The following PTK7 variants were observed in gnomAD, a reference collection of about 807,000 sequenced individuals.
PTK7 encodes protein tyrosine kinase 7 (inactive).
PTK7 carries 39 observed loss-of-function variants against 116.6 expected under a neutral mutation model. The observed-to-expected ratio is 0.33, with a 90% CI of 0.26 to 0.44. The LOEUF is 0.44. Among genes scored for constraint, PTK7 ranks in the 20% least tolerant of loss-of-function variants. The pLI is 1.00. For synonymous variants in PTK7, 546 were observed against 563.6 expected (o/e 0.97, Z 0.44); for missense variants, 1,169 against 1,425.6 (o/e 0.82, Z 2.90).
intron 1 of PTK7, among the ~76,000 whole-genome samples, chr6:43,102,606 A>G (rs544376817): frequency 1.3e-5 from 2 of 152,112 alleles, no homozygotes; most frequent in East Asian, 3.9e-4. Context: ...CCACCAAAAA[A>G]AAACCAAAAA....
chr6:43,101,207 C>T (rs1767556151), intron 1 of PTK7, among the ~76,000 whole-genome samples: 1 of 130,984 alleles, frequency 7.6e-6, no homozygotes, highest in Non-Finnish European at 1.6e-5. Context: ...AAGAGCGAAG[C>T]TCTGTCTCAA....
chr6:43,080,008 C>CCATGATTG (rs1445627392), intron 1 of PTK7, among the ~76,000 whole-genome samples: 1 of 148,144 alleles, frequency 6.8e-6, no homozygotes, highest in East Asian at 2.0e-4. Flanking sequence ...CTACAGTAAG[C>CCATGATTG]CATGATTGTG....
In PTK7 at chr6:43,122,804, A is replaced by C. The variant is rs1425090964; in HGVS notation, c.80-6173A>C. Among the ~76,000 whole-genome samples the C allele has an allele frequency of 2.6e-5, 4 of 151,996 alleles. No homozygotes were observed. In the East Asian group the frequency reaches 7.7e-4, roughly 29 times the overall value. On this transcript the variant is annotated intron_variant, in intron 1 of 19. Transcript: ENST00000230419. ...GTATTTTTAGTAGATATGGGGTTTC[A>C]TCATGTTGGCCAGGCTGGTCTCGAA... is the stretch of plus-strand genomic sequence containing the variant.
intron 1 of PTK7, among the ~76,000 whole-genome samples, chr6:43,097,809 C>T (rs1454149145): frequency 6.6e-6 from 1 of 152,202 alleles, no homozygotes; most frequent in Non-Finnish European, 1.5e-5. Context: ...TCTCTGTTCA[C>T]CACCAGTTAG....
chr6:43,118,657 CTCTATA>C (rs1456817601), intron 1 of PTK7, among the ~76,000 whole-genome samples: 1,032 of 60,896 alleles, frequency 0.017, 1 homozygote, highest in Non-Finnish European at 0.019. Flanking sequence ...CTCTCTCTCT[CTCTATA>C]TATATATATA....
chr6:43,135,450 A>C (rs1027790949), intron 7 of PTK7, among the ~76,000 whole-genome samples: 1 of 152,230 alleles, frequency 6.6e-6, no homozygotes, highest in Non-Finnish European at 1.5e-5. Flanking sequence ...CAAATGAACA[A>C]ATATAATTTT....
intron 1 of PTK7, among the ~76,000 whole-genome samples, chr6:43,116,522 T>C (rs971087806): frequency 1.3e-5 from 2 of 152,104 alleles, no homozygotes; most frequent in African/African-American, 4.8e-5. Flanking sequence ...CTTTCTCTTA[T>C]CCCTTTGAAA....
At chr6:43,081,208 C>G (rs1766358043) in intron 1 of PTK7, among the ~76,000 whole-genome samples, 1 of 152,204 alleles carries the variant, frequency 6.6e-6, no homozygotes, top group African/African-American at 2.4e-5. Context: ...ACCGCCTCTT[C>G]TTCCCTGAAG....
intron 1 of PTK7, among the ~76,000 whole-genome samples, chr6:43,085,667 C>A (rs1215856473): frequency 6.6e-6 from 1 of 151,906 alleles, no homozygotes; most frequent in Admixed American, 6.6e-5. Flanking sequence ...GGTGCGGTGG[C>A]TCACGCCTGT....
chr6:43,124,781 C>T (rs983732008), intron 1 of PTK7, among the ~76,000 whole-genome samples: 9 of 152,214 alleles, frequency 5.9e-5, no homozygotes, highest in African/African-American at 1.4e-4. Context: ...ACATGGGTGC[C>T]GCAGCACTGG....
At chr6:43,087,100 T>C (rs1766703171) in intron 1 of PTK7, among the ~76,000 whole-genome samples, 1 of 152,224 alleles carries the variant, frequency 6.6e-6, no homozygotes. Flanking sequence ...TCTTCACTAC[T>C]GTTCTGCCTC....
At chr6:43,135,613 T>C (rs1241171547) in intron 7 of PTK7, among the ~76,000 whole-genome samples, 1 of 152,108 alleles carries the variant, frequency 6.6e-6, no homozygotes, top group East Asian at 1.9e-4. Flanking sequence ...GGCCCTGAGA[T>C]GGAAATGGGC....
Position 43,143,720 on chromosome 6 carries a change from G to A in PTK7, c.2251+100G>A. The A allele has an allele frequency of 7.7e-7, 1 of 1,302,744 alleles. No homozygotes were observed. Among genetic ancestry groups the A allele is most frequent in the Non-Finnish European group, 1.0e-6 (1 of 959,156 alleles). The allele number at this position is 1,302,744 out of a possible 1,614,324, so 80.7% of individuals were successfully genotyped here. The stretch of plus-strand genomic sequence containing the variant: ...GCGCCAGCACTCTGGAAACCGAGCG[G>A]CTGTTGCTGGGTCCTGGAGCTGGGA... On this transcript the variant is annotated intron_variant, in intron 14 of 19. Coordinates refer to ENST00000230419, the MANE Select transcript of PTK7 (RefSeq NM_002821.5). The surrounding 1 kb of genome is among the most constrained non-coding windows in gnomAD (Gnocchi z 4.2).
In PTK7 at chr6:43,138,835, TC is replaced by T. The variant is rs781753491; in HGVS notation, c.1229-12del. ...TGTGAAGCAGCCTTCACTGTTTCCT[TC>T]CTGTCTGTCTAGCTGTGCCCTCCTG... is the stretch of plus-strand genomic sequence containing the variant. On this transcript the variant is annotated splice_polypyrimidine_tract_variant and intron_variant, in intron 7 of 19. Coordinates refer to ENST00000230419, the MANE Select transcript of PTK7 (RefSeq NM_002821.5). The T allele has an allele frequency of 2.5e-6, 4 of 1,597,958 alleles. No individual in the cohort carries two copies. The highest frequency in any genetic ancestry group is 1.7e-4 in the Middle Eastern group (1 of 5,962).
In PTK7 at chr6:43,143,868, C is replaced by A. The variant is rs533511883; in HGVS notation, c.2251+248C>A. ...AGCTTCCTATGATTCCCTGCTGTTTCCTCCTCCCAGCACAAAACCACAGAT... is the reference window on the plus strand; with the variant it reads ...AGCTTCCTATGATTCCCTGCTGTTTACTCCTCCCAGCACAAAACCACAGAT... On this transcript the variant is annotated intron_variant, in intron 14 of 19. Coordinates refer to ENST00000230419, the MANE Select transcript of PTK7 (RefSeq NM_002821.5). The surrounding 1 kb of genome is among the most constrained non-coding windows in gnomAD (Gnocchi z 4.2). 3.3e-5 allele frequency among the ~76,000 whole-genome samples: 5 copies of A among 152,330 alleles called. No homozygotes were observed. Among genetic ancestry groups the A allele is most frequent in the Admixed American group, 3.3e-4 (5 of 15,298 alleles).
Position 43,160,909 on chromosome 6 carries a change from G to C in PTK7, c.*28G>C. ...AGGGAGCCCGCTCAGGATGGCCTGG[G>C]CAGGGGAGGACATCTCTAGAGGGAA... is the stretch of plus-strand genomic sequence containing the variant. On this transcript the variant is annotated 3_prime_UTR_variant, in exon 20 of 20. Coordinates refer to ENST00000230419, the MANE Select transcript of PTK7 (RefSeq NM_002821.5). 6.2e-7 allele frequency: 1 copy of C among 1,610,216 alleles called. No homozygotes were observed. The highest frequency in any genetic ancestry group is 8.5e-7 in the Non-Finnish European group (1 of 1,178,684).
chr6:43,086,103 G>A (rs1202928009), intron 1 of PTK7, among the ~76,000 whole-genome samples: 4 of 152,190 alleles, frequency 2.6e-5, no homozygotes, highest in Non-Finnish European at 5.9e-5. Context: ...CTCCCAAGGG[G>A]TGGGTTGGTG....
chr6:43,157,204 A>G (rs1161145812), intron 17 of PTK7, among the ~76,000 whole-genome samples: 1 of 146,848 alleles, frequency 6.8e-6, no homozygotes, highest in Non-Finnish European at 1.5e-5. Flanking sequence ...AATGTAAGCC[A>G]GAAGTTTTCT....
At chr6:43,121,037 CG>C (rs1327894361) in intron 1 of PTK7, among the ~76,000 whole-genome samples, 1 of 149,662 alleles carries the variant, frequency 6.7e-6, no homozygotes, top group Non-Finnish European at 1.5e-5. Context: ...GAGCACCTTA[CG>C]TCATGTGCCA....
Sources: allele counts gnomAD v4.1 joint callset (sites outside exome capture counted in the v4.1 genomes callset), GRCh38; gene constraint gnomAD v4.1.1; non-coding constraint Gnocchi (gnomAD v3.1); transcripts MANE v1.5; gene names NCBI Gene and HGNC (gene_info 2026-07-23, HGNC 2026-07-21).